Variants in BICD1 observed in about 807,000 individuals in gnomAD.
BICD1 encodes BICD cargo adaptor 1.
A neutral mutation model predicts 92.5 loss-of-function variants in BICD1; 35 were observed. The ratio of observed to expected loss-of-function variants is 0.38; its 90% CI spans 0.29 to 0.50. The LOEUF is 0.50. BICD1 is among the 20% of genes least tolerant of loss of function. The pLI, the probability that BICD1 is intolerant of heterozygous loss-of-function variation, is 0.93. For missense variants in BICD1, 950 were observed against 1,189.8 expected, an observed-to-expected ratio of 0.80 and a Z score of 2.97; for synonymous variants, 429 against 465.1, an observed-to-expected ratio of 0.92 and a Z score of 1.00.
Position 32,379,497 on chromosome 12 carries a change from T to C in BICD1, c.*1870T>C, listed in dbSNP as rs16919821. 11,120 of 152,256 alleles carry C rather than the reference T, an allele frequency of 0.073. 462 individuals are homozygous for C. The highest frequency in any genetic ancestry group is 0.12 in the South Asian group (595 of 4,816). 9.4% of individuals were successfully genotyped at this position (152,256 alleles called of 1,614,324 possible). ...CGATTCGACATGAAGTTCCCAACCA[T>C]AGCAGCCTAACCTTCTGCTCTTTTC... is the stretch of plus-strand genomic sequence containing the variant. On this transcript the variant is annotated 3_prime_UTR_variant, in exon 10 of 10. Transcript: ENST00000652176.
intron 8 of BICD1, among the ~76,000 whole-genome samples, chr12:32,345,193 C>T (rs968570304): frequency 2.0e-5 from 3 of 148,882 alleles, no homozygotes; most frequent in African/African-American, 7.4e-5. Context: ...GAGGCTAAGG[C>T]GGGAGGATTG....
In BICD1 at chr12:32,328,656, A is replaced by C; in HGVS notation, c.2100+101A>C. The C allele has an allele frequency of 6.9e-7, 1 of 1,449,124 alleles. No homozygotes were observed. Among genetic ancestry groups the C allele is most frequent in the Non-Finnish European group, 9.2e-7 (1 of 1,082,214 alleles). 89.8% of individuals were successfully genotyped at this position (1,449,124 alleles called of 1,614,324 possible). A position where few individuals can be genotyped will look rare whatever the true frequency, so the allele number is the denominator to read the frequency against. On this transcript the variant is annotated intron_variant, in intron 5 of 9. Transcript: ENST00000652176. This position sits in a 1 kb window ranked among gnomAD's most constrained non-coding sequence, Gnocchi z 4.4. Reference sequence around the variant, plus strand: ...TCGAGTATCGTCAAGATGAGAGTTCAGATTCTTGGTAAGTGGATAAATAAA... The same window carrying C: ...TCGAGTATCGTCAAGATGAGAGTTCCGATTCTTGGTAAGTGGATAAATAAA...
chr12:32,175,736 A>G (rs1944071939), intron 1 of BICD1, among the ~76,000 whole-genome samples: 1 of 152,342 alleles, frequency 6.6e-6, no homozygotes, highest in South Asian at 2.1e-4. Flanking sequence ...TATCATAAAA[A>G]TCACCTATTT....
intron 1 of BICD1, among the ~76,000 whole-genome samples, chr12:32,149,951 A>C (rs1003634255): frequency 3.3e-5 from 5 of 152,180 alleles, no homozygotes; most frequent in African/African-American, 1.2e-4. Flanking sequence ...AATTTATTTA[A>C]TGGACTTGCA....
At chr12:32,249,421 AGTTT>A (rs1946471508) in intron 2 of BICD1, among the ~76,000 whole-genome samples, 2 of 152,190 alleles carry the variant, frequency 1.3e-5, no homozygotes, top group African/African-American at 4.8e-5. Flanking sequence ...GTAATTTATT[AGTTT>A]GTCTGTGAAT....
At position 32,258,420 on chromosome 12, in the gene BICD1, G is replaced by T. The variant is rs1431460325; in HGVS notation, c.427-35574G>T. On this transcript the variant is annotated intron_variant, in intron 2 of 9. Coordinates refer to ENST00000652176, the MANE Select transcript of BICD1 (RefSeq NM_001714.4). ...TATTATTTTAAAGTAATAAATATAG[G>T]GTCCAGACCTATGGGGCTTAGCGGG... Among the ~76,000 whole-genome samples, 3 of 151,954 alleles carry T rather than the reference G, an allele frequency of 2.0e-5. No homozygotes were observed. The East Asian group carries it at 5.8e-4, about 29-fold the overall frequency.
intron 7 of BICD1, 36 bp from the exon 8 acceptor site, chr12:32,338,749 TG>T: frequency 1.3e-6 from 2 of 1,519,256 alleles, no homozygotes; most frequent in Non-Finnish European, 1.8e-6. Context: ...AAAACTTTTT[TG>T]TTTCCTATAT....
chr12:32,169,693 A>G (rs988143460), intron 1 of BICD1, among the ~76,000 whole-genome samples: 2 of 152,224 alleles, frequency 1.3e-5, no homozygotes, highest in Non-Finnish European at 2.9e-5. Flanking sequence ...TTATCCTTTG[A>G]TAACCTAGGT....
intron 1 of BICD1, among the ~76,000 whole-genome samples, chr12:32,116,468 CTCTCTCTCTCTCTCTCTCTCTCTT>C (rs1332093225): frequency 0.019 from 1,835 of 98,740 alleles, 46 homozygotes; most frequent in African/African-American, 0.058. Flanking sequence ...GTCTGTCTCT[CTCTCTCTCTCTCTCTCTCTCTCTT>C]TCTCTCTCTC....
chr12:32,207,342 A>G (rs1218866999), intron 1 of BICD1, among the ~76,000 whole-genome samples: 1 of 152,240 alleles, frequency 6.6e-6, no homozygotes, highest in African/African-American at 2.4e-5. Flanking sequence ...AAGTAAATAT[A>G]AATCTAAGTA....
intron 6 of BICD1, among the ~76,000 whole-genome samples, chr12:32,335,170 A>G (rs1938050969): frequency 6.9e-6 from 1 of 144,566 alleles, no homozygotes; most frequent in African/African-American, 2.6e-5. Flanking sequence ...TTTTTTTTTG[A>G]GACGGAGTCT....
chr12:32,198,706 G>T (rs977963175), intron 1 of BICD1, among the ~76,000 whole-genome samples: 2 of 151,834 alleles, frequency 1.3e-5, no homozygotes, highest in African/African-American at 2.4e-5. Flanking sequence ...TCCTCCTGCC[G>T]TCAAGGGTGT....
chr12:32,241,337 G>A (rs897553338), intron 2 of BICD1, among the ~76,000 whole-genome samples: 7 of 152,140 alleles, frequency 4.6e-5, no homozygotes, highest in Non-Finnish European at 8.8e-5. Context: ...CTGTTCAGGG[G>A]AATAAAATGA....
intron 1 of BICD1, among the ~76,000 whole-genome samples, chr12:32,178,125 GATAGCTGTAATT>G (rs1478952556): frequency 1.3e-5 from 2 of 151,702 alleles, no homozygotes; most frequent in Non-Finnish European, 2.9e-5. Flanking sequence ...CTTTTCTTAG[GATAGCTGTAATT>G]ATATAAGATT....
chr12:32,308,625 A>G (rs1397632377), intron 4 of BICD1, among the ~76,000 whole-genome samples: 1 of 152,200 alleles, frequency 6.6e-6, no homozygotes, highest in Admixed American at 6.6e-5. Context: ...GCTCAAGGCC[A>G]ATCACCCCAA....
At chr12:32,169,300 A>T (rs763056481) in intron 1 of BICD1, among the ~76,000 whole-genome samples, 2 of 152,166 alleles carry the variant, frequency 1.3e-5, no homozygotes, top group Admixed American at 6.5e-5. Flanking sequence ...AATCTTTTCT[A>T]GGTATTTGAA....
chr12:32,375,264 C>T (rs1331318962), intron 9 of BICD1, among the ~76,000 whole-genome samples: 2 of 151,670 alleles, frequency 1.3e-5, no homozygotes, highest in Non-Finnish European at 2.9e-5. Flanking sequence ...CACGGTGGCT[C>T]GTGTGTGTAA....
intron 2 of BICD1, among the ~76,000 whole-genome samples, chr12:32,217,143 G>A (rs1945384100): frequency 6.6e-6 from 1 of 152,148 alleles, no homozygotes; most frequent in South Asian, 2.1e-4. Context: ...GCCAAAAGTA[G>A]CTTCATCCAT....
intron 2 of BICD1, among the ~76,000 whole-genome samples, chr12:32,219,777 G>A (rs1189387783): frequency 2.0e-5 from 3 of 151,846 alleles, no homozygotes; most frequent in Admixed American, 2.0e-4. Context: ...ACTTTTAAAC[G>A]TTTTGATTAG....
Sources: gnomAD v4.1 joint callset for allele counts (sites outside exome capture counted in the v4.1 genomes callset) on GRCh38, gnomAD v4.1.1 for gene constraint, Gnocchi (gnomAD v3.1) non-coding constraint, MANE v1.5 for transcripts, NCBI Gene and HGNC (gene_info 2026-07-23, HGNC 2026-07-21) for gene names.